FHIT: variants seen among roughly 807,000 people sequenced by gnomAD.
The protein encoded by FHIT is bis(5'-adenosyl)-triphosphatase.
A neutral mutation model predicts 17.9 loss-of-function variants in FHIT; 19 were observed. The ratio of observed to expected loss-of-function variants is 1.06; its 90% confidence interval spans 0.74 to 1.56. FHIT has a LOEUF of 1.56. Ranked by LOEUF, FHIT falls within the 40% of genes most tolerant of loss-of-function variation. FHIT has a pLI of 0.00. For missense variants in FHIT, 248 were observed against 189.2 expected, an observed-to-expected ratio of 1.31 and a Z score of -1.82; for synonymous variants, 81 against 69.7, an observed-to-expected ratio of 1.16 and a Z score of -0.81.
At chr3:59,879,935 C>T (rs2106947443) in intron 8 of FHIT, among the ~76,000 whole-genome samples, 1 of 136,024 alleles carries the variant, frequency 7.4e-6, no homozygotes, top group Non-Finnish European at 1.6e-5. Context: ...CCCCCCCCGC[C>T]CCTTAGCAAC....
At chr3:59,808,419 C>A (rs1441618587) in intron 8 of FHIT, among the ~76,000 whole-genome samples, 1 of 152,100 alleles carries the variant, frequency 6.6e-6, no homozygotes, top group Non-Finnish European at 1.5e-5. Flanking sequence ...TCTGACAAGC[C>A]CCTGGGACTA....
chr3:60,466,417 A>G (rs764896309), intron 5 of FHIT, among the ~76,000 whole-genome samples: 8 of 152,040 alleles, frequency 5.3e-5, no homozygotes, highest in Non-Finnish European at 1.0e-4. Flanking sequence ...ACTATGTTGA[A>G]TAACAGTGGT....
At chr3:61,085,661 T>C (rs1020880931) in intron 2 of FHIT, among the ~76,000 whole-genome samples, 2 of 152,128 alleles carry the variant, frequency 1.3e-5, no homozygotes, top group African/African-American at 4.8e-5. Context: ...TTTTAGGAAA[T>C]CTTGATTTTG....
intron 5 of FHIT, among the ~76,000 whole-genome samples, chr3:60,110,639 A>G (rs982101759): frequency 1.7e-4 from 26 of 152,334 alleles, no homozygotes; most frequent in African/African-American, 5.8e-4. Context: ...TAAAACAGAC[A>G]TACTAACATG....
At chr3:59,775,389 A>C (rs887411998) in intron 8 of FHIT, among the ~76,000 whole-genome samples, 3 of 152,180 alleles carry the variant, frequency 2.0e-5, no homozygotes, top group African/African-American at 7.2e-5. Flanking sequence ...TCTAGTTGTA[A>C]GTAATTTTCC....
At chr3:60,741,540 G>A (rs1032698360) in intron 4 of FHIT, among the ~76,000 whole-genome samples, 5 of 152,274 alleles carry the variant, frequency 3.3e-5, no homozygotes, top group South Asian at 4.1e-4. Flanking sequence ...GACTCCACTC[G>A]GACTCAACTG....
At chr3:60,513,916 G>C (rs1300642815) in intron 5 of FHIT, among the ~76,000 whole-genome samples, 4 of 152,156 alleles carry the variant, frequency 2.6e-5, no homozygotes, top group East Asian at 1.9e-4. Context: ...GCAGAGCAGA[G>C]AACAGGAGAG....
At chr3:61,009,379 C>T (rs1008092597) in intron 3 of FHIT, among the ~76,000 whole-genome samples, 1 of 152,162 alleles carries the variant, frequency 6.6e-6, no homozygotes, top group African/African-American at 2.4e-5. Flanking sequence ...CTTTCCTCCA[C>T]TACCATATAT....
At chr3:60,672,904 T>TGTGTGC (rs1159104600) in intron 4 of FHIT, among the ~76,000 whole-genome samples, 181 of 151,462 alleles carry the variant, frequency 1.2e-3, no homozygotes, top group African/African-American at 4.3e-3. Flanking sequence ...TGTGTGTGTG[T>TGTGTGC]GTGCATGCAT....
At chr3:60,846,423 T>C (rs1553746482) in intron 3 of FHIT, among the ~76,000 whole-genome samples, 1 of 152,196 alleles carries the variant, frequency 6.6e-6, no homozygotes, top group Non-Finnish European at 1.5e-5. Context: ...AGCAAAGTCA[T>C]ATCCTAAGGG....
intron 3 of FHIT, among the ~76,000 whole-genome samples, chr3:60,876,533 G>A (rs1460427418): frequency 6.6e-6 from 1 of 152,160 alleles, no homozygotes; most frequent in Admixed American, 6.5e-5. Flanking sequence ...AGTATTCGAA[G>A]TGTTTACAAA....
intron 4 of FHIT, among the ~76,000 whole-genome samples, chr3:60,551,165 C>G (rs574408894): frequency 6.6e-6 from 1 of 151,904 alleles, no homozygotes; most frequent in African/African-American, 2.4e-5. Flanking sequence ...CAGCAGGCAG[C>G]AAGGCAGAGG....
intron 5 of FHIT, among the ~76,000 whole-genome samples, chr3:60,303,844 C>T (rs1708548737): frequency 6.6e-6 from 1 of 152,184 alleles, no homozygotes. Flanking sequence ...CTGACTTCTA[C>T]ACACAGCTCT....
At chr3:60,768,414 C>G (rs941485155) in intron 4 of FHIT, among the ~76,000 whole-genome samples, 7 of 152,072 alleles carry the variant, frequency 4.6e-5, no homozygotes, top group Admixed American at 4.6e-4. Context: ...GTAGGCAAGG[C>G]CTCTTTCCCT....
chr3:60,557,472 G>T (rs1177768551), intron 4 of FHIT, among the ~76,000 whole-genome samples: 3 of 151,998 alleles, frequency 2.0e-5, no homozygotes, highest in African/African-American at 7.2e-5. Flanking sequence ...GCTACCCACA[G>T]AGTCTGTCTG....
At chr3:59,834,414 T>TAG (rs751935214) in intron 8 of FHIT, among the ~76,000 whole-genome samples, 46 of 151,988 alleles carry the variant, frequency 3.0e-4, no homozygotes, top group African/African-American at 9.4e-4. Context: ...AGATAGATGA[T>TAG]AGAGAGAGAG....
intron 5 of FHIT, among the ~76,000 whole-genome samples, chr3:60,060,410 A>T (rs889128418): frequency 6.6e-6 from 1 of 152,216 alleles, no homozygotes; most frequent in African/African-American, 2.4e-5. Context: ...TTAAATATGC[A>T]TCACATAACA....
At chr3:59,850,600 C>G (rs1701895593) in intron 8 of FHIT, among the ~76,000 whole-genome samples, 1 of 152,206 alleles carries the variant, frequency 6.6e-6, no homozygotes, top group Non-Finnish European at 1.5e-5. Flanking sequence ...AGCTCAGGCT[C>G]TCTAACCAGA....
intron 5 of FHIT, among the ~76,000 whole-genome samples, chr3:60,143,040 G>C (rs1700103589): frequency 6.6e-6 from 1 of 152,082 alleles, no homozygotes; most frequent in South Asian, 2.1e-4. Flanking sequence ...TCCAACACAA[G>C]AAAGAAAACT....
Sources: allele counts gnomAD v4.1 joint callset (sites outside exome capture counted in the v4.1 genomes callset), GRCh38; gene constraint gnomAD v4.1.1; transcripts MANE v1.5; gene names NCBI Gene and HGNC (gene_info 2026-07-23, HGNC 2026-07-21).